Variants in COQ8A observed in about 807,000 individuals in gnomAD.
The protein encoded by COQ8A is coenzyme Q8A, also known as atypical kinase COQ8A, mitochondrial.
A neutral mutation model predicts 65.0 loss-of-function variants in COQ8A; 51 were observed. That is an observed-to-expected ratio of 0.78 (90% CI 0.63 to 0.99). COQ8A has a LOEUF of 0.99. Among genes scored for constraint, COQ8A ranks in the 50% least tolerant of loss-of-function variants. The probability of loss-of-function intolerance (pLI) is 0.00; values close to 1 mark genes in which losing one functional copy is unlikely to be tolerated. For missense variants in COQ8A, 940 were observed against 875.0 expected (o/e 1.07, Z -0.94); for synonymous variants, 371 against 353.2 (o/e 1.05, Z -0.57).
At position 226,955,411 on chromosome 1, in the gene COQ8A, T is replaced by A. The variant is rs568866698; in HGVS notation, c.-9-5966T>A. Among the ~76,000 whole-genome samples, 799 of 140,718 alleles carry A rather than the reference T, an allele frequency of 5.7e-3. 8 individuals carry two copies. The highest frequency in any genetic ancestry group is 0.02 in the African/African-American group (731 of 37,244). 92.3% of individuals were successfully genotyped at this position (140,718 alleles called of 152,430 possible). On this transcript the variant is annotated intron_variant, in intron 1 of 14. Coordinates refer to ENST00000366777, the MANE Select transcript of COQ8A (RefSeq NM_020247.5). ...CTCCCACTCTCCCTGGCTGCCACTCTCCCTGGCTGCCACTCTCCCTGGTTC... is the reference window on the plus strand; with the variant it reads ...CTCCCACTCTCCCTGGCTGCCACTCACCCTGGCTGCCACTCTCCCTGGTTC...
At chr1:226,970,773 C>T (rs1025317846) in intron 4 of COQ8A, among the ~76,000 whole-genome samples, 9 of 152,134 alleles carry the variant, frequency 5.9e-5, no homozygotes, top group African/African-American at 1.2e-4. Flanking sequence ...TTTCTTTGTA[C>T]AGCCCATATG....
rs1000444018 is a variant in COQ8A, at chr1:226,977,489, C to T, written c.696C>T (p.Val232=). The T allele has an allele frequency of 2.5e-5, 39 of 1,567,678 alleles. No homozygotes were observed. The highest frequency in any genetic ancestry group is 7.6e-5 in the Admixed American group (4 of 52,310). The change falls in exon 5 of 15, where the codon GTC becomes GTT. Residue 232 remains valine, a synonymous_variant. Coordinates refer to ENST00000366777, the MANE Select transcript of COQ8A (RefSeq NM_020247.5). ...TGGGCTTCGGGGCACTGGCAGAGGT[C>T]GCCAAGAAGAGCCTGCGCTCCGAGG... ...VGLGFGALAE[V]AKKSLRSEDP...
rs778744225 is a variant in COQ8A, at chr1:226,965,755, C to A, written c.655+18C>A. On this transcript the variant is annotated intron_variant, in intron 4 of 14. Coordinates refer to ENST00000366777, the MANE Select transcript of COQ8A (RefSeq NM_020247.5). Reference sequence around the variant, plus strand: ...CTTCGGAGGTAAGGTGGCTGTGTGCCCCTGGACTGCCTCACCTGCCCTGCC... The same window carrying A: ...CTTCGGAGGTAAGGTGGCTGTGTGCACCTGGACTGCCTCACCTGCCCTGCC... 1 of 1,612,244 alleles carries A rather than the reference C, an allele frequency of 6.2e-7. No individual in the cohort carries two copies. Among genetic ancestry groups the A allele is most frequent in the South Asian group, 1.1e-5 (1 of 91,000 alleles).
Position 226,983,556 on chromosome 1 carries a change from C to T in COQ8A, c.1085C>T (p.Pro362Leu), listed in dbSNP as rs772046217. The T allele has an allele frequency of 6.2e-7, 1 of 1,613,876 alleles. No homozygotes were observed. Among genetic ancestry groups the T allele is most frequent in the Non-Finnish European group, 8.5e-7 (1 of 1,179,980 alleles). ...GCCTCACCCATACCCCCACAGTACCCTGGCGTGGCCCAGAGCATCAACAGT... is the reference window on the plus strand; with the variant it reads ...GCCTCACCCATACCCCCACAGTACCTTGGCGTGGCCCAGAGCATCAACAGT... The part of the protein sequence containing the change: ...GREVAMKIQY[P>L]GVAQSINSDV... Residue 362 changes from proline to leucine, a missense_variant, in exon 9 of 15, where the codon CCT becomes CTT. Physicochemically the swap from Pro to Leu is moderately conservative, Grantham distance 98 (BLOSUM62 -3). Transcript: ENST00000366777.
intron 12 of COQ8A, 79 bp downstream of exon 12, chr1:226,984,734 C>T (rs1558209374): frequency 2.6e-6 from 4 of 1,522,810 alleles, no homozygotes; most frequent in East Asian, 2.3e-5. Flanking sequence ...TGGACTGCCC[C>T]TTGTCCTGGG....
intron 6 of COQ8A, chr1:226,982,363 T>C (rs1005925343): frequency 5.6e-6 from 4 of 715,098 alleles, no homozygotes; most frequent in Admixed American, 2.9e-5. Flanking sequence ...AAAATTGCTC[T>C]CTACAGGTGG....
intron 13 of COQ8A, 129 bp from the exon 14 acceptor site, chr1:226,985,125 A>T (rs1408047950): frequency 1.6e-6 from 2 of 1,267,846 alleles, no homozygotes; most frequent in Non-Finnish European, 2.3e-6. Context: ...GTGTCACAGC[A>T]CTGGCCGGGG....
intron 10 of COQ8A, 101 bp downstream of exon 10, chr1:226,983,955 G>A: frequency 6.4e-7 from 1 of 1,551,018 alleles, no homozygotes; most frequent in Non-Finnish European, 8.8e-7. Context: ...AGGGGCAGAG[G>A]GCTGGGGTTG....
chr1:226,948,587 A>T (rs1315583556), intron 1 of COQ8A, among the ~76,000 whole-genome samples: 1 of 152,106 alleles, frequency 6.6e-6, no homozygotes, highest in East Asian at 1.9e-4. Flanking sequence ...GAAACCCTTC[A>T]ACCTCAACTT....
chr1:226,961,983 C>A (rs1368422434), intron 2 of COQ8A, among the ~76,000 whole-genome samples: 1 of 152,176 alleles, frequency 6.6e-6, no homozygotes, highest in African/African-American at 2.4e-5. Context: ...GGGCTTCATT[C>A]TCATGACTTA....
chr1:226,985,756 C>G (rs2148139518), intron 14 of COQ8A, among the ~76,000 whole-genome samples: 2 of 152,326 alleles, frequency 1.3e-5, no homozygotes, highest in South Asian at 4.1e-4. Context: ...AAGCCACCCA[C>G]AAAGTGGCAT....
chr1:226,982,867 G>C (rs780794666), intron 7 of COQ8A, 27 bp from the exon 8 acceptor site: 3 of 1,612,668 alleles, frequency 1.9e-6, no homozygotes, highest in Non-Finnish European at 2.5e-6. Context: ...GGCATGCTCA[G>C]AGCCCCTCCC....
At chr1:226,948,147 T>A (rs1657159522) in intron 1 of COQ8A, among the ~76,000 whole-genome samples, 1 of 152,188 alleles carries the variant, frequency 6.6e-6, no homozygotes, top group Non-Finnish European at 1.5e-5. Flanking sequence ...AGTCTGAAAT[T>A]GGTCTCACTA....
In COQ8A at chr1:226,984,482, C is replaced by T. The variant is rs1272907955; in HGVS notation, c.1399-66C>T. 3.5e-6 allele frequency: 5 copies of T among 1,442,744 alleles called. No individual in the cohort carries two copies. In the East Asian group the frequency reaches 9.1e-5, roughly 26 times the overall value. 89.4% of individuals were successfully genotyped at this position (1,442,744 alleles called of 1,614,324 possible). On this transcript the variant is annotated intron_variant, in intron 11 of 14. Transcript: ENST00000366777. ...AAACAGGAGGCAGGGGCTTCTCTGG[C>T]CCCAGTCTCCCAGGGCACCAGGCAG...
rs201720988 is a variant in COQ8A at position 226,961,572 on chromosome 1, C to T, written c.177+10C>T. On this transcript the variant is annotated intron_variant, in intron 2 of 14. Coordinates refer to ENST00000366777, the MANE Select transcript of COQ8A (RefSeq NM_020247.5). Reference sequence around the variant, plus strand: ...CTTGGGGAAGGTGCAGGTAAGGGGGCCTGGCAGTGGGAGGGGTGCTGGCAG... The same window carrying T: ...CTTGGGGAAGGTGCAGGTAAGGGGGTCTGGCAGTGGGAGGGGTGCTGGCAG... 1 of 1,603,734 alleles carries T rather than the reference C, an allele frequency of 6.2e-7. No homozygotes were observed. The highest frequency in any genetic ancestry group is 1.3e-5 in the African/African-American group (1 of 74,866).
At chr1:226,985,173 G>C in intron 13 of COQ8A, 81 bp from the exon 14 acceptor site, 1 of 1,481,580 alleles carries the variant, frequency 6.7e-7, no homozygotes, top group South Asian at 1.1e-5. Flanking sequence ...GGGTGGGCTC[G>C]GGTGTGGCAC....
chr1:226,982,857 GGC>G, intron 7 of COQ8A, 35 bp from the exon 8 acceptor site: 1 of 1,612,636 alleles, frequency 6.2e-7, no homozygotes, highest in Non-Finnish European at 8.5e-7. Context: ...GCCCAGGCAG[GGC>G]ATGCTCAGAG....
intron 4 of COQ8A, among the ~76,000 whole-genome samples, chr1:226,969,113 C>T (rs947850377): frequency 6.6e-6 from 1 of 152,028 alleles, no homozygotes; most frequent in African/African-American, 2.4e-5. Context: ...TGCAGTGATC[C>T]GTCTATCTAG....
intron 8 of COQ8A, 48 bp downstream of exon 8, chr1:226,983,082 G>A: frequency 6.5e-7 from 1 of 1,549,424 alleles, no homozygotes; most frequent in Non-Finnish European, 8.7e-7. Flanking sequence ...GCTGCAAGGG[G>A]CAGAGCTGGG....
Sources: allele counts gnomAD v4.1 joint callset (sites outside exome capture counted in the v4.1 genomes callset), GRCh38; gene constraint gnomAD v4.1.1; transcripts MANE v1.5; gene names NCBI Gene and HGNC (gene_info 2026-07-23, HGNC 2026-07-21).